The following HNF1B variants were observed in gnomAD, a reference collection of about 807,000 sequenced individuals.
HNF1B encodes the protein HNF1 homeobox B.
In HNF1B, 8 loss-of-function variants were observed where a neutral mutation model predicts 61.7. That is an observed-to-expected ratio of 0.13 (90% confidence interval 0.08 to 0.23). The LOEUF is 0.23. Among genes scored for constraint, HNF1B ranks in the 10% least tolerant of loss-of-function variants. The pLI, the probability that HNF1B is intolerant of heterozygous loss-of-function variation, is 1.00. For missense variants in HNF1B, 562 were observed against 714.5 expected, an observed-to-expected ratio of 0.79 and a Z score of 2.43; for synonymous variants, 314 against 287.7, an observed-to-expected ratio of 1.09 and a Z score of -0.93.
At chr17:37,712,681 A>G (rs1266871674) in intron 4 of HNF1B, among the ~76,000 whole-genome samples, 1 of 152,198 alleles carries the variant, frequency 6.6e-6, no homozygotes, top group Non-Finnish European at 1.5e-5. Flanking sequence ...TCAAATTCTG[A>G]TGCTGCTCTT....
At position 37,744,720 on chromosome 17, in the gene HNF1B, C is replaced by T; in HGVS notation, c.165G>A (p.Glu55=). 2 of 1,613,368 alleles carry T rather than the reference C, an allele frequency of 1.2e-6. No homozygotes were observed. Reference sequence around the variant, plus strand: ...TATGGAAGACCGGCTTGGTGTCGGGCTCGGCCCCGCTGCCAGGGGACAGGG... The same window carrying T: ...TATGGAAGACCGGCTTGGTGTCGGGTTCGGCCCCGCTGCCAGGGGACAGGG... The part of the protein sequence containing the change: ...TLPLSPGSGA[E]PDTKPVFHTL... Residue 55 remains glutamate (E), a synonymous_variant, in exon 1 of 9, where the codon GAG becomes GAA. Transcript: ENST00000617811.
rs1032715889 is a variant in HNF1B at position 37,739,741 on chromosome 17, T to C, written c.345-102A>G. 2.9e-5 allele frequency: 33 copies of C among 1,131,200 alleles called. No individual in the cohort carries two copies. The African/African-American group carries it at 4.0e-4, about 14-fold the overall frequency. The allele number at this position is 1,131,200 out of a possible 1,614,324, so 70.1% of individuals were successfully genotyped here. ...CCTATGGTCTATGCAAAATTCTGAATTTTCCCCCCATCTAAGCTACAACTT... is the reference window on the plus strand; with the variant it reads ...CCTATGGTCTATGCAAAATTCTGAACTTTCCCCCCATCTAAGCTACAACTT... On this transcript the variant is annotated intron_variant, in intron 1 of 8. Coordinates refer to ENST00000617811, the MANE Select transcript of HNF1B (RefSeq NM_000458.4).
In HNF1B at chr17:37,744,635, C is replaced by A; in HGVS notation, c.250G>T (p.Asp84Tyr). 6.2e-7 allele frequency: 1 copy of A among 1,612,012 alleles called. No homozygotes were observed. ...LSGDEGSEDG[D>Y]DYDTPPILKE... ...AGGATGGGAGGTGTGTCATAGTCGT[C>A]GCCGTCCTCGGAGCCCTCGTCGCCG... Residue 84 changes from aspartate to tyrosine, a missense_variant, in exon 1 of 9, where the codon GAC becomes TAC. Transcript: ENST00000617811.
At chr17:37,744,328 G>A (rs1425186591) in intron 1 of HNF1B, among the ~76,000 whole-genome samples, 1 of 152,272 alleles carries the variant, frequency 6.6e-6, no homozygotes, top group Non-Finnish European at 1.5e-5. Context: ...ACGCTGGCCT[G>A]GGCCTGGGGA....
At chr17:37,708,759 G>A (rs1330449315) in intron 5 of HNF1B, among the ~76,000 whole-genome samples, 2 of 152,198 alleles carry the variant, frequency 1.3e-5, no homozygotes, top group Non-Finnish European at 2.9e-5. Flanking sequence ...GTGGGAGTAG[G>A]AGAAGAGGGC....
chr17:37,702,279 C>T (rs1417193173), intron 6 of HNF1B, among the ~76,000 whole-genome samples: 2 of 152,156 alleles, frequency 1.3e-5, no homozygotes, highest in Non-Finnish European at 2.9e-5. Flanking sequence ...GGGAAGTCAT[C>T]AATGGAGATA....
intron 4 of HNF1B, among the ~76,000 whole-genome samples, chr17:37,724,902 G>C (rs1278472682): frequency 3.9e-5 from 2 of 51,916 alleles, no homozygotes; most frequent in Admixed American, 2.3e-4. Context: ...CTATATGTAT[G>C]CGTGTGTGTG....
chr17:37,739,976 A>AT (rs60510200), intron 1 of HNF1B, among the ~76,000 whole-genome samples: 8,166 of 151,094 alleles, frequency 0.054, 570 homozygotes, highest in African/African-American at 0.16. Context: ...ATTTATTATT[A>AT]TTTTTTTTGA....
At chr17:37,691,358 T>G (rs2032196590) in intron 8 of HNF1B, among the ~76,000 whole-genome samples, 1 of 152,176 alleles carries the variant, frequency 6.6e-6, no homozygotes, top group Admixed American at 6.5e-5. Context: ...GTTTTACAGA[T>G]GAGGGAAGTG....
chr17:37,690,397 G>C (rs984334227), intron 8 of HNF1B, among the ~76,000 whole-genome samples: 1 of 152,200 alleles, frequency 6.6e-6, no homozygotes, highest in Non-Finnish European at 1.5e-5. Flanking sequence ...AAAGCTATTG[G>C]AGAGTTTTGA....
In HNF1B at chr17:37,742,610, C is replaced by T. The variant is rs531263460; in HGVS notation, c.344+1931G>A. 2.1e-3 allele frequency among the ~76,000 whole-genome samples: 323 copies of T among 152,222 alleles called. 2 individuals carry two copies. The highest frequency in any genetic ancestry group is 2.9e-3 in the Admixed American group (45 of 15,310). ...GCTCGGGACGGGAGAAAAAAGCCTC[C>T]AGGTCTGTCCCGCGTCTCCAACTCG... On this transcript the variant is annotated intron_variant, in intron 1 of 8. Coordinates refer to ENST00000617811, the MANE Select transcript of HNF1B (RefSeq NM_000458.4).
intron 7 of HNF1B, among the ~76,000 whole-genome samples, chr17:37,700,489 G>A (rs1176299280): frequency 6.6e-6 from 1 of 152,146 alleles, no homozygotes; most frequent in Non-Finnish European, 1.5e-5. Flanking sequence ...GAGATGTTTG[G>A]GGTGTATAAA....
At chr17:37,716,842 A>ATCTCTC (rs55634127) in intron 4 of HNF1B, among the ~76,000 whole-genome samples, 1,585 of 131,166 alleles carry the variant, frequency 0.012, 24 homozygotes, top group South Asian at 0.028. Flanking sequence ...CACTTTAACA[A>ATCTCTC]TCTCTCTCTC....
chr17:37,742,424 C>T (rs1385261404), intron 1 of HNF1B, among the ~76,000 whole-genome samples: 1 of 152,218 alleles, frequency 6.6e-6, no homozygotes, highest in Non-Finnish European at 1.5e-5. Context: ...TTTCTCTTTG[C>T]TTTTCGTCTT....
intron 4 of HNF1B, chr17:37,731,342 A>C: frequency 3.3e-6 from 2 of 609,770 alleles, no homozygotes; most frequent in Non-Finnish European, 5.9e-6. Context: ...AGAAGAGGGA[A>C]GGAGACAAAT....
chr17:37,687,406 G>A lies in HNF1B; in HGVS notation c.1654-14C>T. ...TTGTAGAGGACACTGCAGAGAGAGA[G>A]GAGAGAGGGTGCTCAGCTGTGTCAT... On this transcript the variant is annotated splice_polypyrimidine_tract_variant and intron_variant, in intron 8 of 8. Coordinates refer to ENST00000617811, the MANE Select transcript of HNF1B (RefSeq NM_000458.4). 6.3e-7 allele frequency: 1 copy of A among 1,598,418 alleles called. No individual in the cohort carries two copies. Among genetic ancestry groups the A allele is most frequent in the Non-Finnish European group, 8.6e-7 (1 of 1,165,990 alleles).
intron 4 of HNF1B, chr17:37,730,482 G>A (rs1439749342): frequency 1.3e-5 from 2 of 152,318 alleles, no homozygotes; most frequent in Admixed American, 6.5e-5. Flanking sequence ...GGCTCCCAGA[G>A]GCCCTGGAAG....
chr17:37,732,316 G>A (rs573838179), intron 3 of HNF1B, among the ~76,000 whole-genome samples: 96 of 152,294 alleles, frequency 6.3e-4, no homozygotes, highest in African/African-American at 2.2e-3. Flanking sequence ...CAAAAGGCAG[G>A]CTGGGTGGGG....
intron 4 of HNF1B, among the ~76,000 whole-genome samples, chr17:37,723,037 C>T (rs1191201294): frequency 6.6e-6 from 1 of 152,010 alleles, no homozygotes; most frequent in Non-Finnish European, 1.5e-5. Flanking sequence ...CTCACACCTC[C>T]TTTAATTAAA....
Sources: allele counts gnomAD v4.1 joint callset (sites outside exome capture counted in the v4.1 genomes callset), GRCh38; gene constraint gnomAD v4.1.1; transcripts MANE v1.5; gene names NCBI Gene and HGNC (gene_info 2026-07-23, HGNC 2026-07-21).